VPS13A: variants seen among roughly 807,000 people sequenced by gnomAD.
VPS13A encodes the protein intermembrane lipid transfer protein VPS13A.
VPS13A carries 264 observed loss-of-function variants against 390.9 expected under a neutral mutation model. That is an observed-to-expected ratio of 0.68 (90% CI 0.61 to 0.75). The LOEUF (loss-of-function observed/expected upper bound fraction) is 0.75. VPS13A is among the 30% of genes least tolerant of loss of function. The probability of loss-of-function intolerance (pLI) is 0.00; values close to 1 mark genes in which losing one functional copy is unlikely to be tolerated. For synonymous variants in VPS13A, 1,231 were observed against 1,227.1 expected, an observed-to-expected ratio of 1.00 and a Z score of -0.07; for missense variants, 3,409 against 3,733.9, an observed-to-expected ratio of 0.91 and a Z score of 2.27.
At chr9:77,357,903 A>G in intron 56 of VPS13A, 65 bp downstream of exon 56, 3 of 1,316,936 alleles carry the variant, frequency 2.3e-6, no homozygotes, top group Non-Finnish European at 2.1e-6. Context: ...AACCAGATCT[A>G]TTCCCATGGT....
Position 77,177,581 on chromosome 9 carries a change from G to A in VPS13A, c.-124G>A, listed in dbSNP as rs1011088586. On this transcript the variant is annotated 5_prime_UTR_variant, in exon 1 of 72. Coordinates refer to ENST00000360280, the MANE Select transcript of VPS13A (RefSeq NM_033305.3). The stretch of plus-strand genomic sequence containing the variant: ...GCTAGGGCTGCGCGTTGGGCCAGCG[G>A]GGGCGCCGCAGCTGAAGCCGCCCCG... 1 of 851,326 alleles carries A rather than the reference G, an allele frequency of 1.2e-6. No individual in the cohort carries two copies. 52.7% of individuals were successfully genotyped at this position (851,326 alleles called of 1,614,324 possible). A position where few individuals can be genotyped will look rare whatever the true frequency, so the allele number is the denominator to read the frequency against.
chr9:77,311,647 C>T (rs894551592), intron 35 of VPS13A, among the ~76,000 whole-genome samples: 16 of 152,096 alleles, frequency 1.1e-4, no homozygotes, highest in Non-Finnish European at 2.2e-4. Context: ...GATTTGAACA[C>T]ACCACTCTTG....
chr9:77,283,964 C>CTTTTTTTTTTTTTTTTTT (rs779066797), intron 31 of VPS13A, among the ~76,000 whole-genome samples: 1 of 129,628 alleles, frequency 7.7e-6, no homozygotes, highest in Non-Finnish European at 1.7e-5. Flanking sequence ...ACCTTTTTCA[C>CTTTTTTTTTTTTTTTTTT]TTTTTTTTTT....
chr9:77,390,666 G>T (rs1251751632), intron 68 of VPS13A, among the ~76,000 whole-genome samples: 57 of 110,674 alleles, frequency 5.2e-4, no homozygotes, highest in East Asian at 5.1e-4. Context: ...CTCTCTTTTT[G>T]TTGTTGTTGT....
chr9:77,412,577 T>A (rs1425015654), intron 71 of VPS13A, among the ~76,000 whole-genome samples: 1 of 152,096 alleles, frequency 6.6e-6, no homozygotes, highest in Non-Finnish European at 1.5e-5. Context: ...ATAAATTAAT[T>A]AGGTATTGAT....
intron 20 of VPS13A, among the ~76,000 whole-genome samples, chr9:77,249,185 A>G (rs963651197): frequency 6.6e-6 from 1 of 152,224 alleles, no homozygotes; most frequent in Admixed American, 6.5e-5. Flanking sequence ...TGGCCACTTA[A>G]CAAAAATACG....
chr9:77,185,869 G>A (rs765223912), intron 1 of VPS13A, among the ~76,000 whole-genome samples: 9 of 152,206 alleles, frequency 5.9e-5, no homozygotes, highest in Non-Finnish European at 1.2e-4. Context: ...GCTCACGCCT[G>A]TAATTCCAGC....
At chr9:77,260,320 A>G (rs1442423504) in intron 23 of VPS13A, 96 bp downstream of exon 23, 1 of 1,343,376 alleles carries the variant, frequency 7.4e-7, no homozygotes, top group Non-Finnish European at 1.0e-6. Flanking sequence ...GACAATTTGC[A>G]ATTTGTTTTG....
chr9:77,241,123 T>C (rs903302202), intron 19 of VPS13A, among the ~76,000 whole-genome samples: 1 of 152,168 alleles, frequency 6.6e-6, no homozygotes, highest in African/African-American at 2.4e-5. Flanking sequence ...TCTTTACATA[T>C]ATTCTCTTCT....
At chr9:77,210,541 G>T in intron 6 of VPS13A, 75 bp from the exon 7 acceptor site, 2 of 1,449,052 alleles carry the variant, frequency 1.4e-6, no homozygotes, top group South Asian at 1.2e-5. Context: ...GCTGCACATT[G>T]ACAGTTTTTT....
At position 77,374,827 on chromosome 9, in the gene VPS13A, A is replaced by G. The variant is rs1202765388; in HGVS notation, c.9077+3678A>G. Among the ~76,000 whole-genome samples, 4 of 152,160 alleles carry G rather than the reference A, an allele frequency of 2.6e-5. No individual in the cohort carries two copies. The East Asian group carries it at 7.7e-4, about 29-fold the overall frequency. ...ATAACAGATGATAAAATTAATGTTA[A>G]TTAGACCCATCTTAGAAAGTTAGGT... On this transcript the variant is annotated intron_variant, in intron 67 of 71. Coordinates refer to ENST00000360280, the MANE Select transcript of VPS13A (RefSeq NM_033305.3).
At chr9:77,209,244 T>C (rs777957165) in intron 5 of VPS13A, among the ~76,000 whole-genome samples, 179 bp from the exon 6 acceptor site, 1 of 152,200 alleles carries the variant, frequency 6.6e-6, no homozygotes, top group African/African-American at 2.4e-5. Context: ...CACAATAAAC[T>C]AGCTTTTGAA....
chr9:77,302,367 C>CTTTTTTTTTTTTTTTTTTT (rs750574896), intron 33 of VPS13A, among the ~76,000 whole-genome samples: 1 of 136,044 alleles, frequency 7.4e-6, no homozygotes, highest in African/African-American at 2.8e-5. Flanking sequence ...ATATTTTTCC[C>CTTTTTTTTTTTTTTTTTTT]CTTTTTTTTT....
chr9:77,241,526 A>C (rs1418656910), intron 19 of VPS13A, among the ~76,000 whole-genome samples: 1 of 151,388 alleles, frequency 6.6e-6, no homozygotes, highest in African/African-American at 2.4e-5. Context: ...CGTTATATGA[A>C]GACTTTTGTG....
chr9:77,324,238 TTTAC>T (rs145742997), intron 45 of VPS13A, among the ~76,000 whole-genome samples: 3,795 of 152,292 alleles, frequency 0.025, 70 homozygotes, highest in Non-Finnish European at 0.036. Flanking sequence ...TGAAGACATT[TTTAC>T]TTTTTCTTTT....
At chr9:77,225,815 G>T in intron 13 of VPS13A, 111 bp from the exon 14 acceptor site, 2 of 791,854 alleles carry the variant, frequency 2.5e-6, no homozygotes, top group South Asian at 3.1e-5. Flanking sequence ...TCTGTTGTTT[G>T]CTTCCTATTA....
At position 77,302,647 on chromosome 9, in the gene VPS13A, T is replaced by C. The variant is rs115841159; in HGVS notation, c.3813-268T>C. ...CTCAGCCTCTCAAAAGTGCTGGGATTACAGGTGTAAGCTACTGTGCGTAGC... is the reference window on the plus strand; with the variant it reads ...CTCAGCCTCTCAAAAGTGCTGGGATCACAGGTGTAAGCTACTGTGCGTAGC... On this transcript the variant is annotated intron_variant, in intron 33 of 71. Transcript: ENST00000360280. Among the ~76,000 whole-genome samples the C allele has an allele frequency of 4.9e-3, 742 of 152,252 alleles. 6 individuals are homozygous for C. The highest frequency in any genetic ancestry group is 0.017 in the African/African-American group (704 of 41,546).
chr9:77,184,999 A>G (rs1824245109), intron 1 of VPS13A, among the ~76,000 whole-genome samples: 3 of 152,246 alleles, frequency 2.0e-5, no homozygotes, highest in South Asian at 4.1e-4. Context: ...CCAGCAAATT[A>G]TCAAACCAAA....
chr9:77,293,560 T>C, intron 32 of VPS13A, 52 bp downstream of exon 32: 1 of 1,068,328 alleles, frequency 9.4e-7, no homozygotes, highest in Non-Finnish European at 1.3e-6. Context: ...GAAATTGCTA[T>C]ATGTCAAATA....
Sources: gnomAD v4.1 joint callset for allele counts (sites outside exome capture counted in the v4.1 genomes callset) on GRCh38, gnomAD v4.1.1 for gene constraint, MANE v1.5 for transcripts, NCBI Gene and HGNC (gene_info 2026-07-23, HGNC 2026-07-21) for gene names.